Variants in BCAR1 observed in about 807,000 individuals in gnomAD.
The protein encoded by BCAR1 is BCAR1 scaffold protein, Cas family member.
In BCAR1, 30 loss-of-function variants were observed where a neutral mutation model predicts 67.6. That is an observed-to-expected ratio of 0.44 (90% CI 0.33 to 0.60). The LOEUF is 0.60. Among genes scored for constraint, BCAR1 ranks in the 20% least tolerant of loss-of-function variants. The probability of loss-of-function intolerance (pLI) is 0.02; values close to 1 mark genes in which losing one functional copy is unlikely to be tolerated. For synonymous variants in BCAR1, 626 were observed against 556.7 expected, an observed-to-expected ratio of 1.12 and a Z score of -1.75; for missense variants, 1,313 against 1,222.3, an observed-to-expected ratio of 1.07 and a Z score of -1.11.
intron 1 of BCAR1, among the ~76,000 whole-genome samples, chr16:75,265,555 G>T (rs1485787294): frequency 6.6e-6 from 1 of 151,926 alleles, no homozygotes. Context: ...GAGTCTTCCC[G>T]ACCTAGCCAT....
At chr16:75,244,395 G>C (rs969013872) in intron 1 of BCAR1, among the ~76,000 whole-genome samples, 1 of 152,258 alleles carries the variant, frequency 6.6e-6, no homozygotes, top group Non-Finnish European at 1.5e-5. Flanking sequence ...CCTGTGCCTT[G>C]GGGCAGAGGA....
chr16:75,237,036 C>T (rs746735958), intron 3 of BCAR1, 38 bp from the exon 4 acceptor site: 9 of 1,546,972 alleles, frequency 5.8e-6, no homozygotes, highest in South Asian at 2.5e-5. Flanking sequence ...GGCGCCAGGG[C>T]CACTTGGGGG....
rs139353274 is a variant in BCAR1, at chr16:75,236,994, T to C, written c.800A>G (p.Tyr267Cys). Residue 267 changes from tyrosine (Y) to cysteine (C), a missense_variant, in exon 4 of 7, where the codon TAT (tyrosine) becomes TGT (cysteine). Physicochemically the swap from Tyr to Cys is radical, Grantham distance 194. Coordinates refer to ENST00000162330, the MANE Select transcript of BCAR1 (RefSeq NM_014567.5). Reference protein sequence around the residue: ...LLPSQYGQEVYDTPPMAVKGP... With the variant: ...LLPSQYGQEVCDTPPMAVKGP... ...CTTGACAGCCATGGGGGGTGTGTCA[T>C]ACACCTGGGGCAGAAACAGTGCAGG... 13 of 1,598,618 alleles carry C rather than the reference T, an allele frequency of 8.1e-6. No individual in the cohort carries two copies. The highest frequency in any genetic ancestry group is 1.7e-5 in the Admixed American group (1 of 59,074).
At chr16:75,257,655 A>T (rs1002419842) in intron 1 of BCAR1, among the ~76,000 whole-genome samples, 1 of 152,102 alleles carries the variant, frequency 6.6e-6, no homozygotes, top group African/African-American at 2.4e-5. Context: ...GGGTTTCACT[A>T]TATTGCCCAG....
At chr16:75,252,268 G>T, upstream of BCAR1, 1 of 1,536,662 alleles carries the variant, frequency 6.5e-7, no homozygotes, top group Non-Finnish European at 8.7e-7. Flanking sequence ...CTGGGGACTC[G>T]GGCTGGTCCT....
intron 1 of BCAR1, chr16:75,250,959 G>T (rs916039539): frequency 2.0e-6 from 2 of 985,290 alleles, no homozygotes; most frequent in African/African-American, 1.7e-5. Flanking sequence ...ACTGGAGCCG[G>T]GTGCTCCGGC....
In BCAR1 at chr16:75,260,077, C is replaced by T. The variant is rs113992452; in HGVS notation, c.66+7838G>A. Among the ~76,000 whole-genome samples, 551 of 151,612 alleles carry T rather than the reference C, an allele frequency of 3.6e-3. 3 individuals carry two copies. Among genetic ancestry groups the T allele is most frequent in the African/African-American group, 0.012 (511 of 41,314 alleles). ...GGAATAGTGGTGGGCACCTATAATC[C>T]CAGCTGTTTGGGAGACTGAGGCAGG... On this transcript the variant is annotated intron_variant, in intron 1 of 6. Coordinates refer to the BCAR1 transcript ENST00000393422.
At chr16:75,264,181 CAA>C in intron 1 of BCAR1, 1 of 1,329,046 alleles carries the variant, frequency 7.5e-7, no homozygotes, top group Non-Finnish European at 9.6e-7. Flanking sequence ...GAAGGCTGCC[CAA>C]AGTCCTGTAA....
chr16:75,235,839 C>A lies in BCAR1; in HGVS notation c.1060G>T (p.Asp354Tyr). ...TACACGTCCTCGGCCGGCGGGGAGTCTGGAGGGGGCGCAGCCAGTACCAGT... is the reference window on the plus strand; with the variant it reads ...TACACGTCCTCGGCCGGCGGGGAGTATGGAGGGGGCGCAGCCAGTACCAGT... ...TPLVLAAPPP[D>Y]SPPAEDVYDV... Residue 354 changes from aspartate to tyrosine, a missense_variant, in exon 5 of 7, where the codon GAC becomes TAC. By Grantham distance (160) the Asp-to-Tyr change is radical. This residue lies in a region of BCAR1 where 1,272 missense variants were observed against 1,137.5 expected (regional missense o/e 1.12). Coordinates refer to ENST00000162330, the MANE Select transcript of BCAR1 (RefSeq NM_014567.5). The A allele has an allele frequency of 6.4e-7, 1 of 1,570,944 alleles. No homozygotes were observed. The highest frequency in any genetic ancestry group is 8.6e-7 in the Non-Finnish European group (1 of 1,159,784).
At chr16:75,263,566 GA>G (rs2077948986) in intron 1 of BCAR1, 1 of 985,326 alleles carries the variant, frequency 1.0e-6, no homozygotes, top group African/African-American at 1.7e-5. Context: ...GACACCAGCT[GA>G]TCCCCGGCAT....
chr16:75,245,518 G>A (rs772900862), intron 1 of BCAR1, among the ~76,000 whole-genome samples: 1 of 152,238 alleles, frequency 6.6e-6, no homozygotes, highest in Non-Finnish European at 1.5e-5. Context: ...TGGAGGGAAG[G>A]GCCCTGCAGG....
rs1222927610 is a variant in BCAR1 at position 75,248,525 on chromosome 16, C to T, written c.12+2946G>A. On this transcript the variant is annotated intron_variant, in intron 1 of 6. Transcript: ENST00000162330. ...GGTCCTGGCCTCAGGCTCTGAGGGG[C>T]ACCTCCTCTTCCCTCCCCCATGTCC... 3.3e-5 allele frequency: 7 copies of T among 210,792 alleles called. No individual in the cohort carries two copies. In the South Asian group the frequency reaches 4.4e-4, roughly 13 times the overall value. 13.1% of individuals were successfully genotyped at this position (210,792 alleles called of 1,614,324 possible).
Position 75,237,265 on chromosome 16 carries a change from C to T in BCAR1, c.713G>A (p.Arg238Gln), listed in dbSNP as rs374585352. 6 of 1,523,400 alleles carry T rather than the reference C, an allele frequency of 3.9e-6. No individual in the cohort carries two copies. The highest frequency in any genetic ancestry group is 2.3e-5 in the Admixed American group (1 of 42,788). The allele number at this position is 1,523,400 out of a possible 1,614,324, so 94.4% of individuals were successfully genotyped here. A position where few individuals can be genotyped will look rare whatever the true frequency, so the allele number is the denominator to read the frequency against. ...QPEQDEYDIPRHLLAPGPQDI... is the reference protein window; with the variant it reads ...QPEQDEYDIPQHLLAPGPQDI... ...CTGTGGCCCCGGGGCCAGCAGGTGT[C>T]GCGGGATGTCGTACTCGTCCTGCTC... is the stretch of plus-strand genomic sequence containing the variant. The change falls in exon 3 of 7, where the codon CGA becomes CAA. Residue 238 changes from arginine to glutamine, a missense_variant. Physicochemically the swap from Arg to Gln is conservative, Grantham distance 43 (BLOSUM62 1). Around this residue, in one of 2 missense-constraint regions of BCAR1, gnomAD observed 1,272 missense variants for 1,137.5 expected, o/e 1.12. Coordinates refer to ENST00000162330, the MANE Select transcript of BCAR1 (RefSeq NM_014567.5).
intron 1 of BCAR1, chr16:75,266,199 A>C: frequency 5.9e-5 from 12 of 204,774 alleles, no homozygotes; most frequent in Non-Finnish European, 7.8e-5. Flanking sequence ...CCCTCCCCCA[A>C]CACTACACTG....
At chr16:75,265,446 C>T (rs540557457) in intron 1 of BCAR1, among the ~76,000 whole-genome samples, 1 of 152,160 alleles carries the variant, frequency 6.6e-6, no homozygotes, top group African/African-American at 2.4e-5. Context: ...CGGCAGAGAC[C>T]CCTCCCCGCT....
chr16:75,241,203 C>T (rs535272702), intron 2 of BCAR1, among the ~76,000 whole-genome samples: 2 of 152,070 alleles, frequency 1.3e-5, no homozygotes, highest in African/African-American at 4.8e-5. Flanking sequence ...TGGGTGTGTG[C>T]GTGTTCATGC....
chr16:75,267,599 C>T (rs1486177297), intron 1 of BCAR1, among the ~76,000 whole-genome samples: 2 of 152,172 alleles, frequency 1.3e-5, no homozygotes, highest in African/African-American at 4.8e-5. Flanking sequence ...CACCACCACC[C>T]TGGCCCTCTC....
At chr16:75,244,374 G>A (rs146672947) in intron 1 of BCAR1, among the ~76,000 whole-genome samples, 2 of 152,372 alleles carry the variant, frequency 1.3e-5, no homozygotes, top group African/African-American at 4.8e-5. Flanking sequence ...GGCAGAAACA[G>A]GAAGCAGGAG....
At chr16:75,233,105 G>A (rs948121858) in intron 6 of BCAR1, among the ~76,000 whole-genome samples, 1 of 152,150 alleles carries the variant, frequency 6.6e-6, no homozygotes, top group Non-Finnish European at 1.5e-5. Flanking sequence ...AGATGTGGTG[G>A]CTCACACTAT....
Sources: allele counts gnomAD v4.1 joint callset (sites outside exome capture counted in the v4.1 genomes callset), GRCh38; gene constraint gnomAD v4.1.1; regional missense constraint gnomAD v4.1.1; transcripts MANE v1.5; gene names NCBI Gene and HGNC (gene_info 2026-07-23, HGNC 2026-07-21).